CCDC66: variants seen among roughly 807,000 people sequenced by gnomAD.
The protein encoded by CCDC66 is coiled-coil domain containing 66, also known as coiled-coil domain-containing protein 66.
Under a neutral mutation model 128.3 loss-of-function variants are expected in CCDC66, and 133 were observed. The observed-to-expected ratio is 1.04, with a 90% confidence interval of 0.90 to 1.20. The LOEUF (loss-of-function observed/expected upper bound fraction) is 1.20, where lower values mean the gene tolerates loss of function less well. Among genes scored for constraint, CCDC66 ranks in the 50% most tolerant of loss-of-function variants. The pLI is 0.00. For synonymous variants in CCDC66, 387 were observed against 357.0 expected (o/e 1.08, Z -0.95); for missense variants, 1,126 against 1,075.5 (o/e 1.05, Z -0.66).
chr3:56,593,849 G>C, intron 9 of CCDC66, 95 bp from the exon 10 acceptor site: 2 of 1,579,474 alleles, frequency 1.3e-6, no homozygotes, highest in South Asian at 1.1e-5. Flanking sequence ...CTTTGAAATA[G>C]AAATAATTAG....
intron 11 of CCDC66, 102 bp downstream of exon 11, chr3:56,613,852 C>A: frequency 2.2e-6 from 2 of 929,712 alleles, no homozygotes; most frequent in Non-Finnish European, 3.3e-6. Context: ...GCAATCATAG[C>A]TCACTGCAGT....
chr3:56,571,031 A>C, intron 6 of CCDC66, 150 bp from the exon 7 acceptor site: 1 of 516,530 alleles, frequency 1.9e-6, no homozygotes, highest in Non-Finnish European at 3.2e-6. Context: ...TCCCTAAAAA[A>C]TTATTCTCCA....
intron 4 of CCDC66, 103 bp from the exon 5 acceptor site, chr3:56,566,486 GTTAAT>G (rs2065878796): frequency 3.0e-6 from 2 of 671,212 alleles, no homozygotes; most frequent in Admixed American, 3.0e-5. Flanking sequence ...TGTTTTGAGA[GTTAAT>G]TTAAGTAACG....
Position 56,593,048 on chromosome 3 carries a change from C to T in CCDC66, c.1015C>T (p.Gln339Ter), listed in dbSNP as rs369380410. 1.2e-5 allele frequency: 20 copies of T among 1,606,732 alleles called. No homozygotes were observed. Among genetic ancestry groups the T allele is most frequent in the Middle Eastern group, 1.9e-4 (1 of 5,336 alleles). The change falls in exon 8 of 18, where the codon CAA (glutamine) becomes TAA (stop). Residue 339 changes from glutamine to a stop codon, truncating the protein, a stop_gained. Transcript: ENST00000394672. LOFTEE classifies it high-confidence loss of function. ...AAAATGGATTGAAGAGTTGAATAAG[C>T]AAATAGAAGATGACCGTCAAAGAAA... ...QRKWIEELNK[Q>*]IEDDRQRKIE...
chr3:56,582,707 A>T (rs1030280886), intron 7 of CCDC66, among the ~76,000 whole-genome samples: 2 of 151,512 alleles, frequency 1.3e-5, no homozygotes, highest in African/African-American at 4.8e-5. Flanking sequence ...CAAGAGTTTG[A>T]TGTGGATCCT....
intron 15 of CCDC66, 38 bp from the exon 16 acceptor site, chr3:56,619,233 C>G: frequency 6.9e-7 from 1 of 1,443,142 alleles, no homozygotes; most frequent in Non-Finnish European, 9.3e-7. Context: ...TATACTTAAT[C>G]TAAATACACA....
In CCDC66 at chr3:56,613,730, C is replaced by T; in HGVS notation, c.1546C>T (p.Leu516Phe). 1 of 1,606,786 alleles carries T rather than the reference C, an allele frequency of 6.2e-7. No homozygotes were observed. Among genetic ancestry groups the T allele is most frequent in the Non-Finnish European group, 8.5e-7 (1 of 1,177,758 alleles). The change falls in exon 11 of 18, where the codon CTT (leucine) becomes TTT (phenylalanine). Residue 516 changes from leucine (L) to phenylalanine (F), a missense_variant. By Grantham distance (22) the Leu-to-Phe change is conservative. Transcript: ENST00000394672. ...EMQKQYEEDILKQKQKEEIMT... is the reference protein window; with the variant it reads ...EMQKQYEEDIFKQKQKEEIMT... ...GCAGAAACAGTATGAAGAAGACATA[C>T]TTAAGCAAAAACAAAAGGAAGTAGG...
chr3:56,599,437 C>T (rs2072750410), intron 10 of CCDC66, among the ~76,000 whole-genome samples: 1 of 151,904 alleles, frequency 6.6e-6, no homozygotes, highest in African/African-American at 2.4e-5. Context: ...TTTCTTTCCA[C>T]TAATTTGGGG....
At chr3:56,619,722 G>A (rs2076102537) in intron 16 of CCDC66, 55 bp from the exon 17 acceptor site, 1 of 1,600,684 alleles carries the variant, frequency 6.2e-7, no homozygotes, top group African/African-American at 1.3e-5. Context: ...ATAGCACAGG[G>A]CTATGTCATT....
chr3:56,575,862 C>T (rs1362058209), intron 7 of CCDC66, among the ~76,000 whole-genome samples: 1 of 151,716 alleles, frequency 6.6e-6, no homozygotes, highest in Non-Finnish European at 1.5e-5. Flanking sequence ...GTGTTGGCTC[C>T]CTTGTCCATA....
intron 7 of CCDC66, among the ~76,000 whole-genome samples, chr3:56,574,317 G>A (rs9836539): frequency 0.35 from 52,144 of 148,356 alleles, 10,102 homozygotes; most frequent in East Asian, 0.53. Context: ...AGCTGAGATC[G>A]TGCCACTGCA....
chr3:56,584,716 G>C (rs999011832), intron 7 of CCDC66, among the ~76,000 whole-genome samples: 1 of 151,884 alleles, frequency 6.6e-6, no homozygotes, highest in African/African-American at 2.4e-5. Context: ...CTGCAATCTC[G>C]GCACTTTGGG....
intron 1 of CCDC66, among the ~76,000 whole-genome samples, chr3:56,558,502 A>AT (rs1168357345): frequency 1.3e-5 from 2 of 152,258 alleles, no homozygotes; most frequent in African/African-American, 4.8e-5. Flanking sequence ...TGGCGGTTAA[A>AT]TATATCTTGT....
At chr3:56,619,992 C>G in intron 17 of CCDC66, 91 bp downstream of exon 17, 3 of 1,365,008 alleles carry the variant, frequency 2.2e-6, no homozygotes, top group Non-Finnish European at 3.0e-6. Flanking sequence ...TAAGTTACTT[C>G]GGTGCATCCC....
rs749864066 is a variant in CCDC66 at position 56,613,762 on chromosome 3, C to T, written c.1566+12C>T. 6 of 1,596,236 alleles carry T rather than the reference C, an allele frequency of 3.8e-6. No individual in the cohort carries two copies. In the South Asian group the frequency reaches 4.5e-5, roughly 12 times the overall value. ...AAAAACAAAAGGAAGTAGGTACTTA[C>T]ATTCTAATTGTAACTTTGGTTTTTG... On this transcript the variant is annotated intron_variant, in intron 11 of 17. Coordinates refer to ENST00000394672, the MANE Select transcript of CCDC66 (RefSeq NM_001141947.3).
intron 7 of CCDC66, among the ~76,000 whole-genome samples, chr3:56,585,179 A>G (rs2069444934): frequency 1.3e-5 from 2 of 151,696 alleles, no homozygotes; most frequent in African/African-American, 4.8e-5. Flanking sequence ...TTTTTAAGAA[A>G]ATATTCACTC....
chr3:56,620,917 C>T, intron 17 of CCDC66: 1 of 152,544 alleles, frequency 6.6e-6, no homozygotes, highest in Non-Finnish European at 1.5e-5. Flanking sequence ...CTTTGGGAGG[C>T]TGAGGCAGGC....
rs779483394 is a variant in CCDC66 at position 56,615,914 on chromosome 3, T to G, written c.1712-8T>G. 2 of 1,586,664 alleles carry G rather than the reference T, an allele frequency of 1.3e-6. No individual in the cohort carries two copies. The highest frequency in any genetic ancestry group is 4.6e-5 in the East Asian group (2 of 43,084). ...GTGTTGTTTTATCAGGTGATTTCTC[T>G]TTGCCAGTTGATACAATACAAATGG... On this transcript the variant is annotated splice_polypyrimidine_tract_variant and splice_region_variant and intron_variant, in intron 12 of 17. Coordinates refer to ENST00000394672, the MANE Select transcript of CCDC66 (RefSeq NM_001141947.3).
intron 7 of CCDC66, among the ~76,000 whole-genome samples, chr3:56,589,005 T>C (rs1396176497): frequency 6.6e-6 from 1 of 152,154 alleles, no homozygotes; most frequent in African/African-American, 2.4e-5. Flanking sequence ...TCAAAGTGGA[T>C]ATTAGTAAAA....
Sources: allele counts gnomAD v4.1 joint callset (sites outside exome capture counted in the v4.1 genomes callset), GRCh38; gene constraint gnomAD v4.1.1; transcripts MANE v1.5; gene names NCBI Gene and HGNC (gene_info 2026-07-23, HGNC 2026-07-21).